Variants in NKAIN3 observed in about 807,000 individuals in gnomAD.
NKAIN3 encodes sodium/potassium-transporting ATPase subunit beta-1-interacting protein 3.
Under a neutral mutation model 30.2 loss-of-function variants are expected in NKAIN3, and 25 were observed. That is an observed-to-expected ratio of 0.83 (90% CI 0.60 to 1.16). The LOEUF is 1.16. Among genes scored for constraint, NKAIN3 ranks in the 50% most tolerant of loss-of-function variants. NKAIN3 has a pLI of 0.00. For synonymous variants in NKAIN3, 91 were observed against 89.6 expected, an observed-to-expected ratio of 1.02 and a Z score of -0.09; for missense variants, 225 against 254.1, an observed-to-expected ratio of 0.89 and a Z score of 0.78.
chr8:62,567,493 T>C (rs542590449), intron 1 of NKAIN3, among the ~76,000 whole-genome samples: 2 of 152,262 alleles, frequency 1.3e-5, no homozygotes, highest in East Asian at 3.9e-4. Flanking sequence ...ACAGATGAAA[T>C]TAAGTATTTA....
chr8:62,298,410 C>T (rs1487065555), intron 1 of NKAIN3, among the ~76,000 whole-genome samples: 1 of 152,066 alleles, frequency 6.6e-6, no homozygotes, highest in East Asian at 1.9e-4. Context: ...AACTACTTCC[C>T]ACCATAATTA....
At chr8:62,257,446 C>A (rs1347483391) in intron 1 of NKAIN3, among the ~76,000 whole-genome samples, 2 of 152,092 alleles carry the variant, frequency 1.3e-5, no homozygotes, top group African/African-American at 4.8e-5. Flanking sequence ...ACCTCCTTTC[C>A]CAAATTCCCC....
chr8:62,917,095 T>G (rs574309115), intron 4 of NKAIN3, among the ~76,000 whole-genome samples: 37 of 151,828 alleles, frequency 2.4e-4, no homozygotes, highest in African/African-American at 8.0e-4. Flanking sequence ...TGGCTCCAAC[T>G]CCAGAACAGC....
intron 1 of NKAIN3, among the ~76,000 whole-genome samples, chr8:62,355,989 A>G (rs1816340388): frequency 6.6e-6 from 1 of 152,180 alleles, no homozygotes; most frequent in Admixed American, 6.5e-5. Context: ...ATATTTAAAA[A>G]CCTTGTGAAT....
chr8:62,902,731 C>A (rs976078312), intron 4 of NKAIN3, among the ~76,000 whole-genome samples: 3 of 152,062 alleles, frequency 2.0e-5, no homozygotes, highest in African/African-American at 7.2e-5. Flanking sequence ...TTCAAATGAC[C>A]TCATAACACT....
intron 2 of NKAIN3, among the ~76,000 whole-genome samples, chr8:62,581,133 A>AAAAT (rs1810280062): frequency 6.8e-6 from 1 of 147,756 alleles, no homozygotes; most frequent in African/African-American, 2.5e-5. Context: ...AAAATAAAAT[A>AAAAT]AAATAAAATA....
At chr8:62,674,128 G>A (rs1813398775) in intron 3 of NKAIN3, among the ~76,000 whole-genome samples, 1 of 152,136 alleles carries the variant, frequency 6.6e-6, no homozygotes, top group African/African-American at 2.4e-5. Context: ...ACCCTTCTTA[G>A]CAAACACACA....
intron 5 of NKAIN3, among the ~76,000 whole-genome samples, chr8:62,937,992 C>CATA (rs1822838934): frequency 6.6e-6 from 1 of 152,022 alleles, no homozygotes; most frequent in African/African-American, 2.4e-5. Flanking sequence ...CCCCTGGGAA[C>CATA]ATAACTCCCT....
At chr8:62,483,336 C>G (rs1284632391) in intron 1 of NKAIN3, 1 of 180,324 alleles carries the variant, frequency 5.5e-6, no homozygotes, top group African/African-American at 2.3e-5. Flanking sequence ...AGGCTCTGCT[C>G]ACACGTGGTG....
chr8:62,364,972 T>G (rs1283849178), intron 1 of NKAIN3, among the ~76,000 whole-genome samples: 1 of 152,108 alleles, frequency 6.6e-6, no homozygotes, highest in African/African-American at 2.4e-5. Flanking sequence ...CCCTTTAGGA[T>G]GAATCAGTAG....
At chr8:62,789,949 C>A (rs1586197711) in intron 4 of NKAIN3, among the ~76,000 whole-genome samples, 1 of 152,110 alleles carries the variant, frequency 6.6e-6, no homozygotes, top group East Asian at 1.9e-4. Flanking sequence ...GGAATCCTCC[C>A]TAACTCATTT....
chr8:62,656,927 A>G (rs1424017131), intron 3 of NKAIN3, among the ~76,000 whole-genome samples: 1 of 152,224 alleles, frequency 6.6e-6, no homozygotes, highest in Non-Finnish European at 1.5e-5. Flanking sequence ...TTGAAGATTT[A>G]AAAAACATCT....
chr8:62,429,687 T>C (rs1341408613), intron 1 of NKAIN3, among the ~76,000 whole-genome samples: 1 of 151,904 alleles, frequency 6.6e-6, no homozygotes, highest in Non-Finnish European at 1.5e-5. Context: ...CTGCCACTTT[T>C]GTCTAATAGT....
chr8:62,380,751 C>G (rs1585742923), intron 1 of NKAIN3, among the ~76,000 whole-genome samples: 1 of 152,156 alleles, frequency 6.6e-6, no homozygotes, highest in Admixed American at 6.6e-5. Context: ...AGGAAAAGCT[C>G]TCAAATTACT....
intron 4 of NKAIN3, among the ~76,000 whole-genome samples, chr8:62,895,902 T>G (rs1476437184): frequency 1.3e-5 from 2 of 152,130 alleles, no homozygotes; most frequent in Non-Finnish European, 2.9e-5. Context: ...TCCTTGACTC[T>G]TCTCAAATGA....
intron 5 of NKAIN3, among the ~76,000 whole-genome samples, chr8:62,930,828 C>T (rs776698246): frequency 8.6e-5 from 13 of 151,828 alleles, no homozygotes; most frequent in East Asian, 2.0e-4. Flanking sequence ...CTCAGCCTCC[C>T]GAGTAGCTGG....
At position 62,981,208 on chromosome 8, in the gene NKAIN3, A is replaced by G. The variant is rs958672690; in HGVS notation, c.*15801A>G. ...GCCTAAGCCTCTTATTTCCACATCT[A>G]TAAGTATAGTGCTACATAATAATTA... is the stretch of plus-strand genomic sequence containing the variant. On this transcript the variant is annotated 3_prime_UTR_variant, in exon 7 of 7. Transcript: ENST00000623646. The G allele has an allele frequency of 8.5e-5, 13 of 152,156 alleles. No individual in the cohort carries two copies. Among genetic ancestry groups the G allele is most frequent in the African/African-American group, 2.9e-4 (12 of 41,436 alleles). The allele number at this position is 152,156 out of a possible 1,614,324, so 9.4% of individuals were successfully genotyped here.
intron 1 of NKAIN3, among the ~76,000 whole-genome samples, chr8:62,462,174 T>A (rs1806020442): frequency 6.6e-6 from 1 of 152,094 alleles, no homozygotes; most frequent in African/African-American, 2.4e-5. Context: ...GCAGATGGGA[T>A]GGCAGTTTTG....
intron 4 of NKAIN3, among the ~76,000 whole-genome samples, chr8:62,895,601 C>A (rs182714877): frequency 2.4e-4 from 36 of 152,290 alleles, no homozygotes; most frequent in African/African-American, 8.7e-4. Flanking sequence ...GGAGCCTTCT[C>A]CCAACTAGCT....
Sources: allele counts gnomAD v4.1 joint callset (sites outside exome capture counted in the v4.1 genomes callset), GRCh38; gene constraint gnomAD v4.1.1; transcripts MANE v1.5; gene names NCBI Gene and HGNC (gene_info 2026-07-23, HGNC 2026-07-21).